The following UTRN variants were observed in gnomAD, a reference collection of about 807,000 sequenced individuals.
The protein encoded by UTRN is dystrophin-related protein 1.
In UTRN, 283 loss-of-function variants were observed where a neutral mutation model predicts 463.9. That is an observed-to-expected ratio of 0.61 (90% CI 0.55 to 0.67). The LOEUF is 0.67. Among genes scored for constraint, UTRN ranks in the 30% least tolerant of loss-of-function variants. The pLI, the probability that UTRN is intolerant of heterozygous loss-of-function variation, is 0.00. For missense variants in UTRN, 3,922 were observed against 4,084.3 expected (o/e 0.96, Z 1.08); for synonymous variants, 1,442 against 1,431.5 (o/e 1.01, Z -0.17).
chr6:144,551,998 C>A (rs946450830), intron 48 of UTRN, among the ~76,000 whole-genome samples: 1 of 152,178 alleles, frequency 6.6e-6, no homozygotes, highest in Non-Finnish European at 1.5e-5. Flanking sequence ...GGCCTTTCCC[C>A]CCATTGCTTT....
In UTRN at chr6:144,528,773, G is replaced by T. The variant is rs111503555; in HGVS notation, c.5907-2279G>T. On this transcript the variant is annotated intron_variant, in intron 41 of 74. Coordinates refer to ENST00000367545, the MANE Select transcript of UTRN (RefSeq NM_007124.3). ...GGTTAAGTTCGCTGGTTTTCTGTTGGTTGGCCCCCAGCCAGGAGATGGTGC... is the reference window on the plus strand; with the variant it reads ...GGTTAAGTTCGCTGGTTTTCTGTTGTTTGGCCCCCAGCCAGGAGATGGTGC... Among the ~76,000 whole-genome samples, 1,009 of 152,320 alleles carry T rather than the reference G, an allele frequency of 6.6e-3. 7 individuals are homozygous for T. The highest frequency in any genetic ancestry group is 0.023 in the African/African-American group (949 of 41,572).
chr6:144,349,034 G>A (rs887664425), intron 2 of UTRN, among the ~76,000 whole-genome samples: 7 of 152,074 alleles, frequency 4.6e-5, no homozygotes, highest in Non-Finnish European at 5.9e-5. Context: ...TTTTGAGACG[G>A]AGTCTCGCTC....
At chr6:144,771,335 G>A (rs574982882) in intron 58 of UTRN, among the ~76,000 whole-genome samples, 53 of 152,246 alleles carry the variant, frequency 3.5e-4, no homozygotes, top group South Asian at 2.7e-3. Context: ...ATGTTGCCAA[G>A]CTGGTCTCAA....
chr6:144,629,231 TA>T (rs569104804), intron 51 of UTRN, among the ~76,000 whole-genome samples: 186 of 145,238 alleles, frequency 1.3e-3, no homozygotes, highest in Middle Eastern at 3.5e-3. Context: ...CTACATAGTT[TA>T]AAAAAAAAAA....
intron 37 of UTRN, among the ~76,000 whole-genome samples, chr6:144,515,078 T>G (rs374057650): frequency 3.3e-5 from 5 of 152,046 alleles, no homozygotes; most frequent in African/African-American, 7.2e-5. Flanking sequence ...ATTTTTGTGT[T>G]TTTTTTAGGA....
intron 45 of UTRN, among the ~76,000 whole-genome samples, chr6:144,540,551 G>A (rs940188635): frequency 6.6e-6 from 1 of 152,134 alleles, no homozygotes; most frequent in South Asian, 2.1e-4. Flanking sequence ...GCAACTACCT[G>A]CTCAACATCT....
chr6:144,614,813 T>C (rs564452296), intron 51 of UTRN, among the ~76,000 whole-genome samples: 14 of 152,246 alleles, frequency 9.2e-5, no homozygotes, highest in African/African-American at 2.9e-4. Flanking sequence ...GTTAGAAATA[T>C]AGGCTTTTTC....
chr6:144,789,221 G>C lies in UTRN; in HGVS notation c.8862G>C (p.Gln2954His), dbSNP rs1284375845. The change falls in exon 62 of 75, where the codon CAG becomes CAC. Residue 2954 changes from glutamine (Q) to histidine (H), a missense_variant. Gln to His is a conservative substitution (Grantham distance 24). Coordinates refer to ENST00000367545, the MANE Select transcript of UTRN (RefSeq NM_007124.3). ...GTCGAACTGGAAAAATTAGAGTGCA[G>C]AGTCTGAAGATTGGATTAATGTCTC... is the stretch of plus-strand genomic sequence containing the variant. ...DTGRTGKIRVQSLKIGLMSLS... is the reference protein window; with the variant it reads ...DTGRTGKIRVHSLKIGLMSLS... 1.2e-5 allele frequency: 20 copies of C among 1,613,458 alleles called. No individual in the cohort carries two copies. Among genetic ancestry groups the C allele is most frequent in the Non-Finnish European group, 1.6e-5 (19 of 1,179,722 alleles).
At chr6:144,832,727 T>C (rs895988006) in intron 69 of UTRN, among the ~76,000 whole-genome samples, 12 of 152,186 alleles carry the variant, frequency 7.9e-5, no homozygotes, top group Non-Finnish European at 1.8e-4. Context: ...TAGTTCTTAT[T>C]TTAAGTCTTT....
At chr6:144,660,631 A>G (rs1779779174) in intron 51 of UTRN, among the ~76,000 whole-genome samples, 1 of 152,180 alleles carries the variant, frequency 6.6e-6, no homozygotes, top group East Asian at 1.9e-4. Context: ...ATTGGTGCCA[A>G]AGTCTGACTT....
At chr6:144,551,757 C>T (rs1201743973) in intron 48 of UTRN, among the ~76,000 whole-genome samples, 1 of 152,178 alleles carries the variant, frequency 6.6e-6, no homozygotes, top group African/African-American at 2.4e-5. Flanking sequence ...GCTGCCACTA[C>T]CCCTTTTCTC....
chr6:144,620,984 G>A (rs939750822), intron 51 of UTRN, among the ~76,000 whole-genome samples: 1 of 152,206 alleles, frequency 6.6e-6, no homozygotes, highest in Non-Finnish European at 1.5e-5. Flanking sequence ...GTATTAGTAG[G>A]GTTAATGATT....
intron 4 of UTRN, among the ~76,000 whole-genome samples, chr6:144,423,122 T>C (rs1784985679): frequency 6.6e-6 from 1 of 152,198 alleles, no homozygotes; most frequent in African/African-American, 2.4e-5. Flanking sequence ...CTAAAATCCT[T>C]CTGCAGCCAG....
At chr6:144,521,067 C>T (rs1796045731) in intron 39 of UTRN, among the ~76,000 whole-genome samples, 1 of 152,042 alleles carries the variant, frequency 6.6e-6, no homozygotes, top group Non-Finnish European at 1.5e-5. Flanking sequence ...CAGCTGATCA[C>T]TTGAGGTTAA....
In UTRN at chr6:144,827,350, C is replaced by G. The variant is rs1562958133; in HGVS notation, c.9497C>G (p.Pro3166Arg). 6.2e-7 allele frequency: 1 copy of G among 1,613,368 alleles called. No homozygotes were observed. The highest frequency in any genetic ancestry group is 8.5e-7 in the Non-Finnish European group (1 of 1,179,566). ...GTCTCCCTCTCCCCTCTTTGCAGTCCTATCACACTCATCAGTATGTGGCCA... is the reference window on the plus strand; with the variant it reads ...GTCTCCCTCTCCCCTCTTTGCAGTCGTATCACACTCATCAGTATGTGGCCA... ...TVLEGDNLET[P>R]ITLISMWPEH... The change falls in exon 67 of 75, where the codon CCT becomes CGT. Residue 3166 changes from proline to arginine, a missense_variant and splice_region_variant. Physicochemically the swap from Pro to Arg is moderately radical, Grantham distance 103. This residue lies in a region of UTRN where 1,309 missense variants were observed against 1,452.6 expected (regional missense o/e 0.90). Coordinates refer to ENST00000367545, the MANE Select transcript of UTRN (RefSeq NM_007124.3).
chr6:144,836,778 A>C (rs1480931156), intron 71 of UTRN, among the ~76,000 whole-genome samples: 3 of 152,216 alleles, frequency 2.0e-5, no homozygotes, highest in Non-Finnish European at 2.9e-5. Context: ...TTTAACAATG[A>C]AGTCCGCCTC....
intron 52 of UTRN, among the ~76,000 whole-genome samples, chr6:144,692,162 A>G (rs1015548743): frequency 2.0e-5 from 3 of 152,128 alleles, no homozygotes; most frequent in Non-Finnish European, 4.4e-5. Context: ...CTGTTCCTGC[A>G]TTAGTTTTCT....
At chr6:144,653,427 A>T (rs1401227877) in intron 51 of UTRN, among the ~76,000 whole-genome samples, 1 of 151,998 alleles carries the variant, frequency 6.6e-6, no homozygotes, top group Non-Finnish European at 1.5e-5. Flanking sequence ...CTACTAAAAA[A>T]TACAAAAAAT....
intron 3 of UTRN, among the ~76,000 whole-genome samples, chr6:144,409,897 A>G (rs78345234): frequency 0.012 from 1,783 of 152,368 alleles, 11 homozygotes; most frequent in Non-Finnish European, 0.019. Context: ...GGTTAAGTGC[A>G]TGCAGGCAGT....
Sources: gnomAD v4.1 joint callset for allele counts (sites outside exome capture counted in the v4.1 genomes callset) on GRCh38, gnomAD v4.1.1 for gene constraint, gnomAD v4.1.1 regional missense constraint, MANE v1.5 for transcripts, NCBI Gene and HGNC (gene_info 2026-07-23, HGNC 2026-07-21) for gene names.